The following SV2B variants were observed in gnomAD, a reference collection of about 807,000 sequenced individuals.
SV2B encodes solute carrier family 22 member B2.
A neutral mutation model predicts 73.9 loss-of-function variants in SV2B; 41 were observed. That is an observed-to-expected ratio of 0.56 (90% confidence interval 0.43 to 0.72). The LOEUF is 0.72. Ranked by LOEUF, SV2B falls within the 30% of genes least tolerant of loss-of-function variation. The pLI is 0.00. For synonymous variants in SV2B, 314 were observed against 314.2 expected (o/e 1.00, Z 0.01); for missense variants, 764 against 857.8 (o/e 0.89, Z 1.37).
chr15:91,203,369 C>T (rs371851059), intron 1 of SV2B, among the ~76,000 whole-genome samples: 13 of 152,290 alleles, frequency 8.5e-5, no homozygotes, highest in South Asian at 4.1e-4. Flanking sequence ...AGCCTGGTAC[C>T]GTTGAAATGA....
upstream of SV2B, chr15:91,100,013 A>G (rs1428037901): frequency 2.0e-5 from 3 of 152,328 alleles, no homozygotes; most frequent in South Asian, 2.1e-4. The surrounding 1 kb of genome is among the most constrained non-coding windows in gnomAD (Gnocchi z 6.4). Context: ...CCTCTGAGCT[A>G]TCTCCACACC....
At chr15:91,256,187 C>A (rs1027387856) in intron 4 of SV2B, among the ~76,000 whole-genome samples, 1 of 152,144 alleles carries the variant, frequency 6.6e-6, no homozygotes, top group African/African-American at 2.4e-5. Context: ...AAAAGTAGGG[C>A]AAGCTAGAAG....
In SV2B at chr15:91,297,189, G is replaced by C. The variant is rs1226923604; in HGVS notation, c.*4637G>C. 6.5e-6 allele frequency: 1 copy of C among 152,868 alleles called. No homozygotes were observed. Among genetic ancestry groups the C allele is most frequent in the Non-Finnish European group, 1.5e-5 (1 of 68,496 alleles). 9.5% of individuals were successfully genotyped at this position (152,868 alleles called of 1,614,324 possible). A position where few individuals can be genotyped will look rare whatever the true frequency, so the allele number is the denominator to read the frequency against. On this transcript the variant is annotated 3_prime_UTR_variant, in exon 13 of 13. Coordinates refer to ENST00000394232, the MANE Select transcript of SV2B (RefSeq NM_001323032.3). This position sits in a 1 kb window ranked among gnomAD's most constrained non-coding sequence, Gnocchi z 5.1. Reference sequence around the variant, plus strand: ...TTTTTAGTGCAGTTTCCATCACTGAGGCTGCCTCATGGGCTGAGATGGCTG... The same window carrying C: ...TTTTTAGTGCAGTTTCCATCACTGACGCTGCCTCATGGGCTGAGATGGCTG...
At chr15:91,188,817 CTT>C (rs1567327829) in intron 1 of SV2B, among the ~76,000 whole-genome samples, 1 of 151,864 alleles carries the variant, frequency 6.6e-6, no homozygotes, top group Non-Finnish European at 1.5e-5. Flanking sequence ...TATTTTCTCT[CTT>C]ATTTTTATTA....
At chr15:91,250,410 G>T (rs2047437635) in intron 2 of SV2B, among the ~76,000 whole-genome samples, 1 of 152,110 alleles carries the variant, frequency 6.6e-6, no homozygotes, top group African/African-American at 2.4e-5. Flanking sequence ...AAAGCTGAAA[G>T]GTTTACCCCT....
chr15:91,237,014 T>C (rs192006129), intron 2 of SV2B, among the ~76,000 whole-genome samples: 26 of 152,158 alleles, frequency 1.7e-4, no homozygotes, highest in African/African-American at 5.5e-4. Context: ...TTTTGTGACT[T>C]TGCCTCAGAA....
intron 1 of SV2B, among the ~76,000 whole-genome samples, chr15:91,183,138 C>T (rs1316511839): frequency 6.6e-6 from 1 of 152,144 alleles, no homozygotes; most frequent in Non-Finnish European, 1.5e-5. Context: ...TTAACGTTGT[C>T]TGGGGTCTAG....
rs917388373 is a variant in SV2B, at chr15:91,239,611, T to A, written c.452-12208T>A. Among the ~76,000 whole-genome samples, 12 of 152,136 alleles carry A rather than the reference T, an allele frequency of 7.9e-5. No individual in the cohort carries two copies. The highest frequency in any genetic ancestry group is 7.8e-4 in the Admixed American group (12 of 15,288). ...ATTCTTCCCCCTGTGCCAAGTTGTC[T>A]TGCTGTTTGCTTGTGAGGGATGATT... On this transcript the variant is annotated intron_variant, in intron 2 of 12. Transcript: ENST00000394232. This position sits in a 1 kb window ranked among gnomAD's most constrained non-coding sequence, Gnocchi z 5.1.
intron 1 of SV2B, among the ~76,000 whole-genome samples, chr15:91,158,633 C>CCTCTTCCCTTCTCTT (rs2043574415): frequency 1.8e-5 from 1 of 54,414 alleles, no homozygotes; most frequent in Non-Finnish European, 3.8e-5. Context: ...TTTTATTTTC[C>CCTCTTCCCTTCTCTT]CTCTTCTCTT....
chr15:91,242,094 A>G lies in SV2B; in HGVS notation c.452-9725A>G, dbSNP rs1056338890. ...ATCCTCAGCTTATTCACCTGTTCAC[A>G]GCAACTCTAACGGTTAGCCACTCTC... On this transcript the variant is annotated intron_variant, in intron 2 of 12. Coordinates refer to ENST00000394232, the MANE Select transcript of SV2B (RefSeq NM_001323032.3). The surrounding 1 kb of genome is among the most constrained non-coding windows in gnomAD (Gnocchi z 4.9). Among the ~76,000 whole-genome samples the G allele has an allele frequency of 2.0e-5, 3 of 152,216 alleles. No individual in the cohort carries two copies. The highest frequency in any genetic ancestry group is 2.9e-5 in the Non-Finnish European group (2 of 68,042).
intron 1 of SV2B, among the ~76,000 whole-genome samples, chr15:91,150,845 T>C (rs558423931): frequency 6.6e-6 from 1 of 152,278 alleles, no homozygotes; most frequent in African/African-American, 2.4e-5. Context: ...CAGATGCTTG[T>C]GAGGAAGCAG....
intron 1 of SV2B, among the ~76,000 whole-genome samples, chr15:91,170,039 A>AT (rs1157646188): frequency 6.6e-6 from 1 of 152,092 alleles, no homozygotes; most frequent in Non-Finnish European, 1.5e-5. Flanking sequence ...CAGGGATTTT[A>AT]TTTTTTTACT....
At chr15:91,270,415 G>T (rs2048253674) in intron 9 of SV2B, among the ~76,000 whole-genome samples, 1 of 152,164 alleles carries the variant, frequency 6.6e-6, no homozygotes, top group African/African-American at 2.4e-5. Flanking sequence ...GCTTAGAGAG[G>T]TTAAGTATCT....
At chr15:91,103,446 T>C (rs972413926) in intron 1 of SV2B, among the ~76,000 whole-genome samples, 4 of 152,200 alleles carry the variant, frequency 2.6e-5, no homozygotes, top group Admixed American at 1.3e-4. Flanking sequence ...TCTATGATCA[T>C]GGAAAAGTGT....
Position 91,241,920 on chromosome 15 carries a change from T to C in SV2B, c.452-9899T>C, listed in dbSNP as rs2047031915. 6.6e-6 allele frequency among the ~76,000 whole-genome samples: 1 copy of C among 152,234 alleles called. No homozygotes were observed. The highest frequency in any genetic ancestry group is 2.4e-5 in the African/African-American group (1 of 41,456). Reference sequence around the variant, plus strand: ...AAATTCACTGAACCCAGTTCCTCACTTTCTGTTCTCACTTGAACCCACTTT... The same window carrying C: ...AAATTCACTGAACCCAGTTCCTCACCTTCTGTTCTCACTTGAACCCACTTT... On this transcript the variant is annotated intron_variant, in intron 2 of 12. Coordinates refer to ENST00000394232, the MANE Select transcript of SV2B (RefSeq NM_001323032.3). This position sits in a 1 kb window ranked among gnomAD's most constrained non-coding sequence, Gnocchi z 4.8.
rs1199138499 is a variant in SV2B at position 91,267,626 on chromosome 15, G to C, written c.1191G>C (p.Trp397Cys). The C allele has an allele frequency of 3.1e-6, 5 of 1,612,504 alleles. No homozygotes were observed. The change falls in exon 8 of 13, where the codon TGG becomes TGC. Residue 397 changes from tryptophan (W) to cysteine (C), a missense_variant. Transcript: ENST00000394232. The surrounding 1 kb of genome is among the most constrained non-coding windows in gnomAD (Gnocchi z 4.3). Reference sequence around the variant, plus strand: ...ATACACTGATTCTGGCCGTGGTTTGGTTTGCCATGGCATTCAGGTAAGTTC... The same window carrying C: ...ATACACTGATTCTGGCCGTGGTTTGCTTTGCCATGGCATTCAGGTAAGTTC... ...RMNTLILAVV[W>C]FAMAFSYYGL...
Position 91,289,954 on chromosome 15 carries a change from T to TA in SV2B, c.1868+278dup, listed in dbSNP as rs1329959607. Reference sequence around the variant, plus strand: ...GAAGGAAATAAGAGTGAAAAGTTGGTAAAACCATATGTGTCATGTAATCCA... The same window carrying TA: ...GAAGGAAATAAGAGTGAAAAGTTGGTAAAAACCATATGTGTCATGTAATCCA... On this transcript the variant is annotated intron_variant, in intron 12 of 12. Transcript: ENST00000394232. The surrounding 1 kb of genome is among the most constrained non-coding windows in gnomAD (Gnocchi z 4.9). Among the ~76,000 whole-genome samples the TA allele has an allele frequency of 6.6e-6, 1 of 152,046 alleles. No homozygotes were observed. Among genetic ancestry groups the TA allele is most frequent in the Non-Finnish European group, 1.5e-5 (1 of 68,002 alleles).
At chr15:91,194,206 G>A (rs572196126) in intron 1 of SV2B, among the ~76,000 whole-genome samples, 113 of 151,962 alleles carry the variant, frequency 7.4e-4, no homozygotes, top group African/African-American at 2.6e-3. Flanking sequence ...AGAGAAGCAG[G>A]GAGCTCTGGC....
intron 1 of SV2B, among the ~76,000 whole-genome samples, chr15:91,186,937 A>G (rs910894039): frequency 6.6e-6 from 1 of 152,260 alleles, no homozygotes; most frequent in African/African-American, 2.4e-5. Context: ...AGAAGCATGT[A>G]TCATGCAAAT....
Sources: gnomAD v4.1 joint callset for allele counts (sites outside exome capture counted in the v4.1 genomes callset) on GRCh38, gnomAD v4.1.1 for gene constraint, Gnocchi (gnomAD v3.1) non-coding constraint, MANE v1.5 for transcripts, NCBI Gene and HGNC (gene_info 2026-07-23, HGNC 2026-07-21) for gene names.